BAZ1B: variants seen among roughly 807,000 people sequenced by gnomAD.
BAZ1B encodes the protein bromodomain adjacent to zinc finger domain 1B.
In BAZ1B, 22 loss-of-function variants were observed where a neutral mutation model predicts 153.8. The ratio of observed to expected loss-of-function variants is 0.14; its 90% CI spans 0.10 to 0.20. The LOEUF is 0.20. Among genes scored for constraint, BAZ1B ranks in the 10% least tolerant of loss-of-function variants. BAZ1B has a pLI of 1.00. For synonymous variants in BAZ1B, 676 were observed against 633.4 expected (o/e 1.07, Z -1.01); for missense variants, 1,325 against 1,799.3 (o/e 0.74, Z 4.77).
At chr7:73,480,813 G>C (rs532745048) in intron 6 of BAZ1B, among the ~76,000 whole-genome samples, 1 of 152,326 alleles carries the variant, frequency 6.6e-6, no homozygotes, top group African/African-American at 2.4e-5. Flanking sequence ...ACAGGGAAAT[G>C]GCTAAGGTGA....
chr7:73,442,060 C>G (rs868983443), intron 19 of BAZ1B, 121 bp downstream of exon 19: 2 of 720,442 alleles, frequency 2.8e-6, no homozygotes, highest in East Asian at 5.1e-5. Flanking sequence ...TTTAGAAAAA[C>G]AGCATAAGCT....
In BAZ1B at chr7:73,473,097, A is replaced by C. The variant is rs547205602; in HGVS notation, c.2594-2614T>G. 3.3e-5 allele frequency among the ~76,000 whole-genome samples: 5 copies of C among 152,192 alleles called. No homozygotes were observed. In the South Asian group the frequency reaches 1.0e-3, roughly 32 times the overall value. On this transcript the variant is annotated intron_variant, in intron 7 of 19. Coordinates refer to ENST00000339594, the MANE Select transcript of BAZ1B (RefSeq NM_032408.4). ...GCTGGGATTACAGGCATGCGCCACC[A>C]TGCCAGGCTAATTTTTGTATTTTTA...
At chr7:73,454,030 G>A (rs1206362292) in intron 13 of BAZ1B, among the ~76,000 whole-genome samples, 1 of 152,028 alleles carries the variant, frequency 6.6e-6, no homozygotes, top group Non-Finnish European at 1.5e-5. Context: ...TGGGCATGGT[G>A]GCTCACGCCT....
intron 3 of BAZ1B, among the ~76,000 whole-genome samples, chr7:73,500,777 GC>G (rs1433547892): frequency 2.6e-5 from 4 of 151,628 alleles, no homozygotes; most frequent in African/African-American, 9.7e-5. Flanking sequence ...TGTAATCCCA[GC>G]TATTCAGGCA....
At chr7:73,461,640 A>G (rs1381761191) in intron 12 of BAZ1B, among the ~76,000 whole-genome samples, 3 of 152,252 alleles carry the variant, frequency 2.0e-5, no homozygotes, top group Non-Finnish European at 4.4e-5. Context: ...GATTAATTAA[A>G]AAGAAAAAAT....
chr7:73,516,119 C>A (rs985992835), intron 1 of BAZ1B, among the ~76,000 whole-genome samples: 1 of 152,070 alleles, frequency 6.6e-6, no homozygotes, highest in Non-Finnish European at 1.5e-5. Flanking sequence ...TGTACTCCAG[C>A]CTGGGCTACA....
rs782332900 is a variant in BAZ1B at position 73,442,180 on chromosome 7, C to T, written c.*15+1G>A. 3 of 868,714 alleles carry T rather than the reference C, an allele frequency of 3.5e-6. No individual in the cohort carries two copies. In the Admixed American group the frequency reaches 6.2e-5, roughly 18 times the overall value. The allele number at this position is 868,714 out of a possible 1,614,324, so 53.8% of individuals were successfully genotyped here. ...CTGTCCCCCCACCTCAGCTCCCTTACCACGGCCCTGCCTCTCTACTTCTTC... is the reference window on the plus strand; with the variant it reads ...CTGTCCCCCCACCTCAGCTCCCTTATCACGGCCCTGCCTCTCTACTTCTTC... On this transcript the variant is annotated splice_donor_variant, in intron 19 of 19. Transcript: ENST00000339594. LOFTEE classifies it low-confidence loss of function (3UTR_SPLICE).
chr7:73,459,210 T>C (rs1367458490), intron 13 of BAZ1B, among the ~76,000 whole-genome samples: 1 of 148,900 alleles, frequency 6.7e-6, no homozygotes, highest in African/African-American at 2.5e-5. Flanking sequence ...ATTGCACCAC[T>C]GCACTCCAGC....
chr7:73,489,087 T>G, intron 6 of BAZ1B, 107 bp downstream of exon 6: 4 of 1,188,102 alleles, frequency 3.4e-6, no homozygotes, highest in Non-Finnish European at 4.7e-6. Flanking sequence ...TTTTAATTCA[T>G]TATCTGATGT....
intron 12 of BAZ1B, among the ~76,000 whole-genome samples, chr7:73,462,173 G>A (rs781869133): frequency 2.0e-5 from 3 of 152,190 alleles, no homozygotes; most frequent in Non-Finnish European, 4.4e-5. Flanking sequence ...GGAATTTGAG[G>A]CTGCAGTGAG....
chr7:73,469,676 A>C, intron 8 of BAZ1B, 26 bp from the exon 9 acceptor site: 1 of 1,612,812 alleles, frequency 6.2e-7, no homozygotes, highest in Non-Finnish European at 8.5e-7. Context: ...AGTATTAATA[A>C]GACAGTGAAT....
Position 73,442,435 on chromosome 7 carries a change from G to C in BAZ1B, c.4213C>G (p.Leu1405Val), listed in dbSNP as rs1438930510. ...GTAAACACTTGCTTCATGTCAGTAA[G>C]AAACTCCTGCACAGAGCGGTAGCTC... is the stretch of plus-strand genomic sequence containing the variant. The part of the protein sequence containing the change: ...CGSYRSVQEF[L>V]TDMKQVFTNA... The change falls in exon 19 of 20, where the codon CTT (leucine) becomes GTT (valine). Residue 1405 changes from leucine to valine, a missense_variant. Leu to Val is a conservative substitution (Grantham distance 32). Around this residue, in one of 9 missense-constraint regions of BAZ1B, gnomAD observed 271 missense variants for 337.2 expected, o/e 0.80. Transcript: ENST00000339594. The C allele has an allele frequency of 5.6e-5, 91 of 1,614,110 alleles. No individual in the cohort carries two copies. The highest frequency in any genetic ancestry group is 7.7e-5 in the Non-Finnish European group (91 of 1,180,050).
intron 3 of BAZ1B, among the ~76,000 whole-genome samples, chr7:73,504,579 G>A (rs140482388): frequency 3.2e-3 from 486 of 152,160 alleles, no homozygotes; most frequent in Middle Eastern, 0.014. Context: ...CAGGAGAATG[G>A]TATGAACCCG....
chr7:73,486,702 G>A (rs1429505717), intron 6 of BAZ1B, among the ~76,000 whole-genome samples: 1 of 152,154 alleles, frequency 6.6e-6, no homozygotes, highest in Non-Finnish European at 1.5e-5. Flanking sequence ...GAGCCTGACA[G>A]AACATTACAT....
intron 5 of BAZ1B, 113 bp downstream of exon 5, chr7:73,492,687 C>A: frequency 9.4e-7 from 1 of 1,067,564 alleles, no homozygotes. Flanking sequence ...CACTCAGAAT[C>A]TGCTGTACAT....
At chr7:73,509,820 A>G (rs1234589247) in intron 2 of BAZ1B, among the ~76,000 whole-genome samples, 1 of 152,104 alleles carries the variant, frequency 6.6e-6, no homozygotes, top group Admixed American at 6.6e-5. Context: ...TAGCAAAAAA[A>G]AAAAAAAATT....
At chr7:73,515,112 G>A (rs1488138920) in intron 1 of BAZ1B, among the ~76,000 whole-genome samples, 2 of 152,004 alleles carry the variant, frequency 1.3e-5, no homozygotes, top group African/African-American at 4.8e-5. Flanking sequence ...CAATCACGAC[G>A]AACTCATCAC....
At chr7:73,458,913 G>C (rs1464556733) in intron 13 of BAZ1B, among the ~76,000 whole-genome samples, 1 of 152,020 alleles carries the variant, frequency 6.6e-6, no homozygotes, top group Admixed American at 6.6e-5. Context: ...TAAACAAATT[G>C]TTAATGTGTT....
At chr7:73,449,058 A>G (rs1554567439) in intron 15 of BAZ1B, among the ~76,000 whole-genome samples, 2 of 152,206 alleles carry the variant, frequency 1.3e-5, no homozygotes, top group Non-Finnish European at 2.9e-5. Context: ...TGGATCATCA[A>G]ACATCTGGGC....
Sources: gnomAD v4.1 joint callset for allele counts (sites outside exome capture counted in the v4.1 genomes callset) on GRCh38, gnomAD v4.1.1 for gene constraint, gnomAD v4.1.1 regional missense constraint, MANE v1.5 for transcripts, NCBI Gene and HGNC (gene_info 2026-07-23, HGNC 2026-07-21) for gene names.